SLC8A1: variants seen among roughly 807,000 people sequenced by gnomAD.
The protein encoded by SLC8A1 is sodium/calcium exchanger 1.
A neutral mutation model predicts 68.3 loss-of-function variants in SLC8A1; 18 were observed. That is an observed-to-expected ratio of 0.26 (90% CI 0.18 to 0.39). The LOEUF is 0.39. Ranked by LOEUF, SLC8A1 falls within the 10% of genes least tolerant of loss-of-function variation. SLC8A1 has a pLI of 1.00. For missense variants in SLC8A1, 985 were observed against 1,156.7 expected (o/e 0.85, Z 2.15); for synonymous variants, 475 against 415.5 (o/e 1.14, Z -1.74).
At position 40,395,017 on chromosome 2, in the gene SLC8A1, G is replaced by C. The variant is rs1307129595; in HGVS notation, c.1808+33456C>G. Among the ~76,000 whole-genome samples the C allele has an allele frequency of 1.3e-5, 2 of 152,134 alleles. 1 individual carries two copies. The highest frequency in any genetic ancestry group is 4.1e-4 in the South Asian group (2 of 4,832). On this transcript the variant is annotated intron_variant, in intron 2 of 7. Transcript: ENST00000406785. ...AAGATGTGCACAAATGCTCATGTCT[G>C]TGTAAACAAATTCACCTACTGATTA...
At chr2:40,344,183 T>C (rs1668532164) in intron 2 of SLC8A1, among the ~76,000 whole-genome samples, 2 of 152,162 alleles carry the variant, frequency 1.3e-5, no homozygotes, top group South Asian at 4.1e-4. Flanking sequence ...CATATTCCAC[T>C]AGAACTATTT....
At chr2:40,238,936 T>A (rs900701693) in intron 2 of SLC8A1, among the ~76,000 whole-genome samples, 2 of 152,172 alleles carry the variant, frequency 1.3e-5, no homozygotes, top group African/African-American at 4.8e-5. Context: ...AACATATGTA[T>A]ATATGTGAAC....
chr2:40,200,250 AT>A, intron 2 of SLC8A1, among the ~76,000 whole-genome samples: 2 of 15,352 alleles, frequency 1.3e-4, no homozygotes, highest in Admixed American at 7.1e-4. Context: ...ATATATATAT[AT>A]ATATATATAT....
At chr2:40,202,593 C>G (rs892173172) in intron 2 of SLC8A1, among the ~76,000 whole-genome samples, 4 of 151,774 alleles carry the variant, frequency 2.6e-5, no homozygotes, top group African/African-American at 9.7e-5. Context: ...TCCTTTTTTT[C>G]TAAGCTAATA....
At chr2:40,436,474 G>A (rs1264619682) in intron 1 of SLC8A1, among the ~76,000 whole-genome samples, 1 of 152,104 alleles carries the variant, frequency 6.6e-6, no homozygotes, top group African/African-American at 2.4e-5. Flanking sequence ...AGACTCTTGG[G>A]CTGGAAAGAC....
At chr2:40,131,856 CTATTTTTTTTTT>C (rs1320194075) in intron 7 of SLC8A1, among the ~76,000 whole-genome samples, 3 of 49,284 alleles carry the variant, frequency 6.1e-5, no homozygotes, top group African/African-American at 1.9e-4. Context: ...TCTTGGTATT[CTATTTTTTTTTT>C]TTTTTTTTTT....
intron 2 of SLC8A1, among the ~76,000 whole-genome samples, chr2:40,409,039 T>A (rs1691292408): frequency 6.6e-6 from 1 of 152,158 alleles, no homozygotes; most frequent in South Asian, 2.1e-4. Flanking sequence ...ATGTAAATAT[T>A]GTTTTTGACA....
At chr2:40,118,607 GTTTTTTTTTTTT>G (rs67851517) in intron 7 of SLC8A1, 7 of 74,720 alleles carry the variant, frequency 9.4e-5, no homozygotes, top group East Asian at 5.3e-4. Context: ...AAAAAAGGAA[GTTTTTTTTTTTT>G]TTTTTTTTTT....
At chr2:40,495,044 C>T (rs1177581621) in intron 1 of SLC8A1, among the ~76,000 whole-genome samples, 2 of 151,784 alleles carry the variant, frequency 1.3e-5, no homozygotes, top group African/African-American at 4.8e-5. Context: ...AAAAATCATA[C>T]TGCTGGGAGG....
exon 2 of SLC8A1, chr2:40,430,226 G>C (rs746239822): frequency 6.2e-7 from 1 of 1,613,450 alleles, no homozygotes; most frequent in Non-Finnish European, 8.5e-7. Flanking sequence ...GTAACTAACA[G>C]ATGAAATCCC....
chr2:40,159,812 C>T (rs1188806850), intron 6 of SLC8A1, among the ~76,000 whole-genome samples: 4 of 152,068 alleles, frequency 2.6e-5, no homozygotes, highest in Admixed American at 6.6e-5. Context: ...TTTTTACTAC[C>T]CTCTCTTCTC....
At chr2:40,268,690 A>G (rs373327243) in intron 2 of SLC8A1, among the ~76,000 whole-genome samples, 4 of 152,302 alleles carry the variant, frequency 2.6e-5, no homozygotes, top group African/African-American at 7.2e-5. Flanking sequence ...CTTTCTGGGA[A>G]TTATTCCATT....
chr2:40,309,904 C>T (rs897628215), intron 2 of SLC8A1, among the ~76,000 whole-genome samples: 7 of 152,032 alleles, frequency 4.6e-5, no homozygotes, highest in Non-Finnish European at 1.0e-4. Flanking sequence ...GTTGTGCAAC[C>T]ATCACCATTC....
intron 1 of SLC8A1, among the ~76,000 whole-genome samples, chr2:40,481,332 C>A (rs1470847389): frequency 6.6e-6 from 1 of 152,198 alleles, no homozygotes; most frequent in Admixed American, 6.5e-5. Flanking sequence ...GAAAGCAGCA[C>A]AGTGTTAAAG....
chr2:40,353,552 T>C (rs1355872861), intron 2 of SLC8A1, among the ~76,000 whole-genome samples: 1 of 151,036 alleles, frequency 6.6e-6, no homozygotes, highest in African/African-American at 2.4e-5. Flanking sequence ...ATATTACAAG[T>C]GGAAAAAAAA....
intron 2 of SLC8A1, among the ~76,000 whole-genome samples, chr2:40,389,147 A>G (rs1217851915): frequency 6.6e-6 from 1 of 152,128 alleles, no homozygotes; most frequent in Non-Finnish European, 1.5e-5. Flanking sequence ...AGCTTAACCT[A>G]AAATATTTCT....
chr2:40,499,514 G>C (rs761779874), intron 1 of SLC8A1, among the ~76,000 whole-genome samples: 1 of 152,094 alleles, frequency 6.6e-6, no homozygotes, highest in Non-Finnish European at 1.5e-5. Context: ...GAGAATTAGA[G>C]AGATATTCTT....
intron 2 of SLC8A1, among the ~76,000 whole-genome samples, chr2:40,243,748 G>T (rs2061496593): frequency 6.6e-6 from 1 of 152,172 alleles, no homozygotes; most frequent in Non-Finnish European, 1.5e-5. Context: ...TACATTCACA[G>T]TGGGAAGGCA....
At chr2:40,478,043 G>GA (rs1559758253) in intron 1 of SLC8A1, among the ~76,000 whole-genome samples, 1 of 152,180 alleles carries the variant, frequency 6.6e-6, no homozygotes, top group African/African-American at 2.4e-5. Flanking sequence ...ATCAAACTGT[G>GA]AAAGTCAGTA....
Sources: gnomAD v4.1 joint callset for allele counts (sites outside exome capture counted in the v4.1 genomes callset) on GRCh38, gnomAD v4.1.1 for gene constraint, MANE v1.5 for transcripts, NCBI Gene and HGNC (gene_info 2026-07-23, HGNC 2026-07-21) for gene names.